Variants in DOCK8 observed in about 807,000 individuals in gnomAD.
DOCK8 encodes dedicator of cytokinesis 8.
Under a neutral mutation model 245.6 loss-of-function variants are expected in DOCK8, and 141 were observed. The observed-to-expected ratio is 0.57, with a 90% CI of 0.50 to 0.66. The LOEUF (loss-of-function observed/expected upper bound fraction) is 0.66, where lower values mean the gene tolerates loss of function less well. Ranked by LOEUF, DOCK8 falls within the 30% of genes least tolerant of loss-of-function variation. The probability of loss-of-function intolerance (pLI) is 0.00; values close to 1 mark genes in which losing one functional copy is unlikely to be tolerated. For missense variants in DOCK8, 2,965 were observed against 2,603.4 expected (o/e 1.14, Z -3.02); for synonymous variants, 1,168 against 970.2 (o/e 1.20, Z -3.79).
intron 14 of DOCK8, among the ~76,000 whole-genome samples, chr9:342,784 T>C (rs543690858): frequency 6.6e-6 from 1 of 152,310 alleles, no homozygotes; most frequent in Non-Finnish European, 1.5e-5. Flanking sequence ...TCCTTTTAAC[T>C]GCTGTTTAGT....
chr9:429,078 A>C (rs1286978332), intron 35 of DOCK8, among the ~76,000 whole-genome samples: 1 of 152,160 alleles, frequency 6.6e-6, no homozygotes, highest in African/African-American at 2.4e-5. Flanking sequence ...AGCGATTCTC[A>C]TGCCTCAGCC....
intron 2 of DOCK8, among the ~76,000 whole-genome samples, chr9:278,357 C>T (rs2048441795): frequency 1.3e-5 from 2 of 152,200 alleles, no homozygotes; most frequent in Non-Finnish European, 2.9e-5. Flanking sequence ...CCTTCAGCTT[C>T]GTTTAAAGAT....
chr9:395,749 C>A (rs1033334295), intron 24 of DOCK8, among the ~76,000 whole-genome samples: 2 of 151,886 alleles, frequency 1.3e-5, no homozygotes, highest in African/African-American at 4.8e-5. Flanking sequence ...ATCTCCTGGC[C>A]CCAAGAAGAT....
intron 17 of DOCK8, 59 bp downstream of exon 17, chr9:371,625 G>A: frequency 6.2e-7 from 1 of 1,609,064 alleles, no homozygotes; most frequent in Middle Eastern, 1.7e-4. Context: ...TGAGGTCCCT[G>A]CAGAGATAAA....
At chr9:322,492 G>A (rs1315021552) in intron 7 of DOCK8, among the ~76,000 whole-genome samples, 2 of 151,422 alleles carry the variant, frequency 1.3e-5, no homozygotes, top group African/African-American at 2.4e-5. Context: ...CCCTAACTGT[G>A]TAGACTTTGG....
At chr9:229,233 T>C (rs1317782084) in intron 1 of DOCK8, among the ~76,000 whole-genome samples, 1 of 152,054 alleles carries the variant, frequency 6.6e-6, no homozygotes, top group Non-Finnish European at 1.5e-5. Context: ...CCGTTTCAGA[T>C]TTCAGAATGT....
intron 46 of DOCK8, among the ~76,000 whole-genome samples, chr9:458,939 T>C (rs1396131709): frequency 2.0e-5 from 3 of 152,206 alleles, no homozygotes; most frequent in Non-Finnish European, 4.4e-5. Context: ...AGGAATCCTT[T>C]TCTGGAGGCG....
At chr9:362,030 A>T (rs561619448) in intron 14 of DOCK8, among the ~76,000 whole-genome samples, 2 of 152,202 alleles carry the variant, frequency 1.3e-5, no homozygotes, top group Admixed American at 1.3e-4. Context: ...GACCTTGAAC[A>T]ACTACAGATA....
intron 33 of DOCK8, among the ~76,000 whole-genome samples, chr9:425,603 A>G (rs1272543108): frequency 6.6e-6 from 1 of 151,126 alleles, no homozygotes; most frequent in Admixed American, 6.6e-5. Context: ...TGTGTACTTT[A>G]TCACGATATA....
At chr9:301,288 A>C (rs1248368547) in intron 4 of DOCK8, among the ~76,000 whole-genome samples, 1 of 152,248 alleles carries the variant, frequency 6.6e-6, no homozygotes, top group African/African-American at 2.4e-5. Flanking sequence ...ACAAAATTCA[A>C]CATCCCTTCA....
chr9:422,454 C>T (rs985351751), intron 33 of DOCK8, among the ~76,000 whole-genome samples: 16 of 152,304 alleles, frequency 1.1e-4, no homozygotes, highest in Admixed American at 6.5e-4. Flanking sequence ...GACACGGTGC[C>T]TAGGACCGTA....
intron 1 of DOCK8, among the ~76,000 whole-genome samples, chr9:237,312 A>G (rs978752498): frequency 6.6e-6 from 1 of 152,242 alleles, no homozygotes. Context: ...CCATTGTCCT[A>G]TCAGCCAGGC....
chr9:304,421 C>T (rs1208261542), intron 4 of DOCK8, among the ~76,000 whole-genome samples, 160 bp from the exon 5 acceptor site: 1 of 152,152 alleles, frequency 6.6e-6, no homozygotes, highest in East Asian at 1.9e-4. Context: ...TTGTATTAGG[C>T]CTGGAGAATA....
At chr9:360,084 G>C (rs980282067) in intron 14 of DOCK8, among the ~76,000 whole-genome samples, 8 of 152,056 alleles carry the variant, frequency 5.3e-5, no homozygotes, top group Non-Finnish European at 8.8e-5. Context: ...GGGAGGCCGA[G>C]GCGGGCGGAT....
intron 28 of DOCK8, among the ~76,000 whole-genome samples, chr9:410,956 C>A (rs1230009428): frequency 6.6e-6 from 1 of 152,102 alleles, no homozygotes; most frequent in Non-Finnish European, 1.5e-5. Context: ...CAATTGAAAG[C>A]CATCAAATTG....
chr9:406,520 T>TGAG (rs2055425702), intron 27 of DOCK8, among the ~76,000 whole-genome samples: 1 of 147,844 alleles, frequency 6.8e-6, no homozygotes, highest in Non-Finnish European at 1.5e-5. Flanking sequence ...AGAAGGTACC[T>TGAG]GAGTAAGCAG....
chr9:362,569 C>T (rs781603925), intron 14 of DOCK8, among the ~76,000 whole-genome samples: 43 of 152,184 alleles, frequency 2.8e-4, no homozygotes, highest in Non-Finnish European at 5.7e-4. Context: ...GCCTTCACTC[C>T]TCTTGTCGAG....
chr9:387,617 C>T (rs567365343), intron 23 of DOCK8, among the ~76,000 whole-genome samples: 5 of 152,204 alleles, frequency 3.3e-5, no homozygotes, highest in South Asian at 2.1e-4. Context: ...GTGGGAGGGC[C>T]GGGGCCTGGT....
In DOCK8 at chr9:289,446, A is replaced by T. The variant is rs2048949783; in HGVS notation, c.333-64A>T. 9 of 1,302,514 alleles carry T rather than the reference A, an allele frequency of 6.9e-6. No homozygotes were observed. In the East Asian group the frequency reaches 2.1e-4, roughly 30 times the overall value. The allele number at this position is 1,302,514 out of a possible 1,614,324, so 80.7% of individuals were successfully genotyped here. ...ATTCGTGTCATGTTCCTTGCTCATG[A>T]TTAGGGGTTGTTTTGTTGTTTTACC... On this transcript the variant is annotated intron_variant, in intron 3 of 47. Coordinates refer to ENST00000432829, the MANE Select transcript of DOCK8 (RefSeq NM_203447.4).
Sources: allele counts gnomAD v4.1 joint callset (sites outside exome capture counted in the v4.1 genomes callset), GRCh38; gene constraint gnomAD v4.1.1; transcripts MANE v1.5; gene names NCBI Gene and HGNC (gene_info 2026-07-23, HGNC 2026-07-21).